PTGFRN: variants seen among roughly 807,000 people sequenced by gnomAD.
PTGFRN encodes the protein prostaglandin F2 receptor negative regulator.
In PTGFRN, 35 loss-of-function variants were observed where a neutral mutation model predicts 83.2. That is an observed-to-expected ratio of 0.42 (90% confidence interval 0.32 to 0.56). The LOEUF is 0.56. Among genes scored for constraint, PTGFRN ranks in the 20% least tolerant of loss-of-function variants. The pLI is 0.11. For synonymous variants in PTGFRN, 519 were observed against 498.6 expected (o/e 1.04, Z -0.55); for missense variants, 1,051 against 1,179.5 (o/e 0.89, Z 1.60).
Position 116,961,418 on chromosome 1 carries a change from G to T in PTGFRN, c.1389G>T (p.Leu463=). ...GCGACAATGTGGTGACCAGCGAGCTGCTTGCAGTCATGGACGGGGACTGGA... is the reference window on the plus strand; with the variant it reads ...GCGACAATGTGGTGACCAGCGAGCTTCTTGCAGTCATGGACGGGGACTGGA... ...RRSDNVVTSE[L]LAVMDGDWTL... The change falls in exon 5 of 9, where the codon CTG becomes CTT. Residue 463 remains leucine, a synonymous_variant. Transcript: ENST00000393203. This position sits in a 1 kb window ranked among gnomAD's most constrained non-coding sequence, Gnocchi z 5.4. 1 of 1,614,168 alleles carries T rather than the reference G, an allele frequency of 6.2e-7. No individual in the cohort carries two copies.
chr1:116,959,930 G>A (rs1441656818), intron 4 of PTGFRN, among the ~76,000 whole-genome samples: 5 of 151,504 alleles, frequency 3.3e-5, no homozygotes, highest in African/African-American at 7.3e-5. Flanking sequence ...CTGAGATCGC[G>A]CCACTGCACT....
In PTGFRN at chr1:116,941,700, C is replaced by T. The variant is rs994690458; in HGVS notation, c.50-15C>T. 6.9e-6 allele frequency: 11 copies of T among 1,595,234 alleles called. No homozygotes were observed. Among genetic ancestry groups the T allele is most frequent in the Non-Finnish European group, 9.4e-6 (11 of 1,169,590 alleles). ...CTGTGATTAAAGACCTGCCTTTCAT[C>T]TTTTATCATTGCAGCTCTTTGCCGA... is the stretch of plus-strand genomic sequence containing the variant. On this transcript the variant is annotated splice_polypyrimidine_tract_variant and intron_variant, in intron 1 of 8. Transcript: ENST00000393203. This position sits in a 1 kb window ranked among gnomAD's most constrained non-coding sequence, Gnocchi z 5.0.
At chr1:116,928,795 T>C (rs961905523) in intron 1 of PTGFRN, among the ~76,000 whole-genome samples, 5 of 152,212 alleles carry the variant, frequency 3.3e-5, no homozygotes, top group Non-Finnish European at 5.9e-5. Context: ...CTCAAAACTT[T>C]TTAATATTTT....
intron 7 of PTGFRN, among the ~76,000 whole-genome samples, chr1:116,980,073 C>G (rs1266287414): frequency 6.6e-6 from 1 of 152,128 alleles, no homozygotes; most frequent in African/African-American, 2.4e-5. Flanking sequence ...AGACACTTCT[C>G]AAAAGAAGAC....
chr1:116,931,286 T>C (rs978980137), intron 1 of PTGFRN, among the ~76,000 whole-genome samples: 1 of 152,184 alleles, frequency 6.6e-6, no homozygotes, highest in African/African-American at 2.4e-5. Flanking sequence ...ATAAAGGATA[T>C]ACAGCCTGTA....
chr1:116,975,474 C>G (rs1651119059), intron 7 of PTGFRN, among the ~76,000 whole-genome samples: 1 of 152,202 alleles, frequency 6.6e-6, no homozygotes, highest in Non-Finnish European at 1.5e-5. Context: ...AGGAACCCCC[C>G]AGTAGGGGCA....
chr1:116,936,476 T>C (rs1649923281), intron 1 of PTGFRN, among the ~76,000 whole-genome samples: 1 of 152,192 alleles, frequency 6.6e-6, no homozygotes. Flanking sequence ...TTGAAGGTAC[T>C]TTTGCAGGTT....
intron 1 of PTGFRN, among the ~76,000 whole-genome samples, chr1:116,929,872 G>A (rs1192840601): frequency 6.6e-6 from 1 of 152,096 alleles, no homozygotes; most frequent in African/African-American, 2.4e-5. Flanking sequence ...CTTTTTCATG[G>A]TTGTGCCTTC....
intron 1 of PTGFRN, among the ~76,000 whole-genome samples, chr1:116,922,769 G>T (rs975922243): frequency 6.6e-6 from 1 of 152,222 alleles, no homozygotes; most frequent in Non-Finnish European, 1.5e-5. Context: ...AGACAAAGAA[G>T]TGTGAAAACT....
intron 6 of PTGFRN, among the ~76,000 whole-genome samples, chr1:116,971,712 A>G (rs6687760): frequency 0.2 from 30,935 of 152,104 alleles, 3,700 homozygotes; most frequent in East Asian, 0.47. Context: ...CTGCAGCACA[A>G]ATGCTCTGTT....
At chr1:116,986,571 G>A (rs1197871569) in intron 8 of PTGFRN, among the ~76,000 whole-genome samples, 2 of 152,176 alleles carry the variant, frequency 1.3e-5, no homozygotes, top group Admixed American at 1.3e-4. Flanking sequence ...AATCTTCTTT[G>A]TGGTTTTTAT....
chr1:116,978,675 C>T (rs1409019946), intron 7 of PTGFRN, among the ~76,000 whole-genome samples: 1 of 152,140 alleles, frequency 6.6e-6, no homozygotes, highest in African/African-American at 2.4e-5. Flanking sequence ...TTCAACAGTC[C>T]TTCATGCTAA....
At position 116,923,866 on chromosome 1, in the gene PTGFRN, G is replaced by A. The variant is rs1463458761; in HGVS notation, c.49+13614G>A. 6.6e-6 allele frequency among the ~76,000 whole-genome samples: 1 copy of A among 152,106 alleles called. No individual in the cohort carries two copies. Among genetic ancestry groups the A allele is most frequent in the Admixed American group, 6.5e-5 (1 of 15,278 alleles). ...CTGCCCCATGTCGAGCATTATTCTG[G>A]ATCTGGGGGCACCTAAAAACATAGA... On this transcript the variant is annotated intron_variant, in intron 1 of 8. Coordinates refer to ENST00000393203, the MANE Select transcript of PTGFRN (RefSeq NM_020440.4). This position sits in a 1 kb window ranked among gnomAD's most constrained non-coding sequence, Gnocchi z 4.0.
At chr1:116,940,269 T>C (rs1650028540) in intron 1 of PTGFRN, among the ~76,000 whole-genome samples, 1 of 152,208 alleles carries the variant, frequency 6.6e-6, no homozygotes, top group Non-Finnish European at 1.5e-5. Flanking sequence ...GGAGAATCTG[T>C]TCCGTGCTTC....
intron 1 of PTGFRN, among the ~76,000 whole-genome samples, chr1:116,933,681 A>G (rs965285100): frequency 2.0e-5 from 3 of 151,812 alleles, no homozygotes; most frequent in African/African-American, 7.3e-5. Flanking sequence ...TTGCCTTCCT[A>G]TTTGAGGATT....
chr1:116,947,593 C>G (rs1570659717), intron 3 of PTGFRN, among the ~76,000 whole-genome samples: 1 of 152,214 alleles, frequency 6.6e-6, no homozygotes, highest in African/African-American at 2.4e-5. Context: ...ACCTGAGACT[C>G]TGTTTTCTCC....
At chr1:116,956,869 A>C (rs919527620) in intron 4 of PTGFRN, among the ~76,000 whole-genome samples, 3 of 152,174 alleles carry the variant, frequency 2.0e-5, no homozygotes, top group Non-Finnish European at 4.4e-5. Flanking sequence ...GCAAATATTC[A>C]TAAAGTGTCT....
intron 7 of PTGFRN, among the ~76,000 whole-genome samples, chr1:116,982,714 G>C (rs963844034): frequency 1.3e-5 from 2 of 152,196 alleles, no homozygotes; most frequent in African/African-American, 4.8e-5. Flanking sequence ...TGGAGCATGA[G>C]TGTACTGCAG....
At position 116,971,936 on chromosome 1, in the gene PTGFRN, G is replaced by A. The variant is rs187592386; in HGVS notation, c.2060-2280G>A. On this transcript the variant is annotated intron_variant, in intron 6 of 8. Transcript: ENST00000393203. ...TCTCTTAGAAGGGGCCTGAGCACTA[G>A]AAAAGCCCCTCAGTGTAGTTCTGTG... 3.7e-3 allele frequency among the ~76,000 whole-genome samples: 564 copies of A among 152,318 alleles called. 4 individuals are homozygous for A. Among genetic ancestry groups the A allele is most frequent in the Admixed American group, 8.2e-3 (126 of 15,304 alleles).
Sources: allele counts gnomAD v4.1 joint callset (sites outside exome capture counted in the v4.1 genomes callset), GRCh38; gene constraint gnomAD v4.1.1; non-coding constraint Gnocchi (gnomAD v3.1); transcripts MANE v1.5; gene names NCBI Gene and HGNC (gene_info 2026-07-23, HGNC 2026-07-21).